Variants in STK4 observed in about 807,000 individuals in gnomAD.
STK4 encodes serine/threonine-protein kinase 4.
A neutral mutation model predicts 64.9 loss-of-function variants in STK4; 30 were observed. The ratio of observed to expected loss-of-function variants is 0.46; its 90% CI spans 0.35 to 0.63. STK4 has a LOEUF of 0.63. Among genes scored for constraint, STK4 ranks in the 20% least tolerant of loss-of-function variants. STK4 has a pLI of 0.01. For synonymous variants in STK4, 177 were observed against 199.0 expected (o/e 0.89, Z 0.93); for missense variants, 466 against 598.5 (o/e 0.78, Z 2.31).
intron 10 of STK4, among the ~76,000 whole-genome samples, chr20:45,034,461 T>A (rs2068494685): frequency 6.6e-6 from 1 of 152,122 alleles, no homozygotes; most frequent in Non-Finnish European, 1.5e-5. Flanking sequence ...AAATAGATGT[T>A]TAAACACTAT....
At chr20:45,010,247 A>G (rs1315137651) in intron 9 of STK4, among the ~76,000 whole-genome samples, 1 of 151,832 alleles carries the variant, frequency 6.6e-6, no homozygotes, top group Non-Finnish European at 1.5e-5. Flanking sequence ...TTATGTTTTT[A>G]GTAGAGATGG....
chr20:44,986,237 G>A (rs2067528299), intron 4 of STK4, among the ~76,000 whole-genome samples: 1 of 152,200 alleles, frequency 6.6e-6, no homozygotes, highest in African/African-American at 2.4e-5. Context: ...AGGGAATAGA[G>A]TATGAGCTAG....
intron 9 of STK4, among the ~76,000 whole-genome samples, chr20:45,021,864 CTG>C (rs1451695921): frequency 6.6e-6 from 1 of 152,180 alleles, no homozygotes; most frequent in Non-Finnish European, 1.5e-5. Flanking sequence ...TTATTAATAA[CTG>C]AGCATAAATA....
chr20:45,012,038 A>G (rs1374524273), intron 9 of STK4, among the ~76,000 whole-genome samples: 2 of 150,868 alleles, frequency 1.3e-5, no homozygotes, highest in East Asian at 3.9e-4. Context: ...CTCCGATACA[A>G]ATTTTTTTTT....
At chr20:44,972,256 T>A in intron 2 of STK4, 98 bp downstream of exon 2, 1 of 1,078,418 alleles carries the variant, frequency 9.3e-7, no homozygotes. Context: ...TTGTTCTAGG[T>A]GGGGTGGAAG....
intron 9 of STK4, among the ~76,000 whole-genome samples, chr20:45,017,732 A>T (rs1326486370): frequency 6.6e-6 from 1 of 152,186 alleles, no homozygotes; most frequent in Non-Finnish European, 1.5e-5. Flanking sequence ...TCACCTGTGA[A>T]CATTTTTTAT....
At chr20:45,030,690 A>G (rs1337883120) in intron 10 of STK4, among the ~76,000 whole-genome samples, 1 of 152,216 alleles carries the variant, frequency 6.6e-6, no homozygotes, top group African/African-American at 2.4e-5. Context: ...TAAGATACAT[A>G]GTGATTAAAA....
chr20:45,011,723 ATATATATTTTTTTTT>A (rs1157872104), intron 9 of STK4, among the ~76,000 whole-genome samples: 2 of 106,234 alleles, frequency 1.9e-5, no homozygotes, highest in Admixed American at 8.7e-5. Context: ...ATATATATAT[ATATATATTTTTTTTT>A]TTTTTTTTAA....
At position 44,972,123 on chromosome 20, in the gene STK4, A is replaced by G; in HGVS notation, c.81A>G (p.Glu27=). 1.9e-6 allele frequency: 3 copies of G among 1,614,058 alleles called. No individual in the cohort carries two copies. The highest frequency in any genetic ancestry group is 2.5e-6 in the Non-Finnish European group (3 of 1,179,974). ...LDEDSLTKQP[E]EVFDVLEKLG... ...AAGATAGTTTAACCAAACAACCAGA[A>G]GAAGTATTTGATGTCTTAGAGAAAC... Residue 27 remains glutamate (E), a synonymous_variant, in exon 2 of 11, where the codon GAA becomes GAG. Transcript: ENST00000372806.
chr20:45,066,004 G>GTGATGC (rs2145474322), intron 10 of STK4, among the ~76,000 whole-genome samples: 1 of 152,106 alleles, frequency 6.6e-6, no homozygotes, highest in East Asian at 1.9e-4. Flanking sequence ...CATAAGAGTT[G>GTGATGC]TGATGCTGGC....
intron 9 of STK4, among the ~76,000 whole-genome samples, chr20:45,001,945 A>G (rs1429524531): frequency 6.6e-6 from 1 of 152,192 alleles, no homozygotes; most frequent in Non-Finnish European, 1.5e-5. Context: ...TGTGTCATTC[A>G]GTGCTCGTGG....
At chr20:45,056,289 G>GT (rs1978477609) in intron 10 of STK4, among the ~76,000 whole-genome samples, 2 of 152,142 alleles carry the variant, frequency 1.3e-5, no homozygotes, top group African/African-American at 4.8e-5. Context: ...CTTATGCCCT[G>GT]TTTTTTGTCC....
At chr20:45,048,383 G>A (rs1041259405) in intron 10 of STK4, among the ~76,000 whole-genome samples, 1 of 152,198 alleles carries the variant, frequency 6.6e-6, no homozygotes, top group African/African-American at 2.4e-5. Context: ...GGGAGACATG[G>A]ATGAACTACT....
chr20:45,053,118 CAT>C (rs774246474), intron 10 of STK4: 1 of 1,612,752 alleles, frequency 6.2e-7, no homozygotes, highest in Non-Finnish European at 8.5e-7. Context: ...CTGGAAAAGA[CAT>C]ATGTATCCAA....
chr20:45,008,397 G>A (rs760469916), intron 9 of STK4, among the ~76,000 whole-genome samples: 4 of 152,078 alleles, frequency 2.6e-5, no homozygotes, highest in Non-Finnish European at 5.9e-5. Context: ...GGATGGTTGC[G>A]TAGTATTCCA....
chr20:44,987,162 C>A lies in STK4; in HGVS notation c.391C>A (p.Gln131Lys). The change falls in exon 5 of 11, where the codon CAA (glutamine) becomes AAA (lysine). Residue 131 changes from glutamine to lysine, a missense_variant. Gln to Lys is a moderately conservative substitution (Grantham distance 53). This residue lies in a region of STK4 where 190 missense variants were observed against 289.7 expected (regional missense o/e 0.66). Coordinates refer to ENST00000372806, the MANE Select transcript of STK4 (RefSeq NM_006282.5). ...LTEDEIATIL[Q>K]STLKGLEYLH... ...AGAAGATGAAATAGCTACAATATTA[C>A]AATCAACTCTTAAGGGACTTGAATA... The A allele has an allele frequency of 6.3e-7, 1 of 1,595,778 alleles. No individual in the cohort carries two copies. Among genetic ancestry groups the A allele is most frequent in the Admixed American group, 1.7e-5 (1 of 57,352 alleles).
chr20:44,991,755 A>C (rs529519459), intron 5 of STK4, among the ~76,000 whole-genome samples: 1 of 151,826 alleles, frequency 6.6e-6, no homozygotes, highest in East Asian at 1.9e-4. Flanking sequence ...CTCAACCACC[A>C]GGCTTAGGTG....
chr20:45,025,764 C>T (rs1435526205), intron 10 of STK4, among the ~76,000 whole-genome samples: 3 of 152,074 alleles, frequency 2.0e-5, no homozygotes, highest in Non-Finnish European at 4.4e-5. Flanking sequence ...AGATTTTTCT[C>T]TTCAGGAGCT....
chr20:44,999,257 T>C (rs2067791921), intron 7 of STK4, among the ~76,000 whole-genome samples: 1 of 152,140 alleles, frequency 6.6e-6, no homozygotes, highest in South Asian at 2.1e-4. Flanking sequence ...CAAGGCAATA[T>C]GATATTATTG....
Sources: gnomAD v4.1 joint callset for allele counts (sites outside exome capture counted in the v4.1 genomes callset) on GRCh38, gnomAD v4.1.1 for gene constraint, gnomAD v4.1.1 regional missense constraint, MANE v1.5 for transcripts, NCBI Gene and HGNC (gene_info 2026-07-23, HGNC 2026-07-21) for gene names.